Variants in PDE4D observed in about 807,000 individuals in gnomAD.
The protein encoded by PDE4D is phosphodiesterase 4D, also known as 3',5'-cyclic-AMP phosphodiesterase 4D.
A neutral mutation model predicts 87.4 loss-of-function variants in PDE4D; 24 were observed. The ratio of observed to expected loss-of-function variants is 0.27; its 90% CI spans 0.20 to 0.39. PDE4D has a LOEUF of 0.39. Ranked by LOEUF, PDE4D falls within the 10% of genes least tolerant of loss-of-function variation. The probability of loss-of-function intolerance (pLI) is 1.00; values close to 1 mark genes in which losing one functional copy is unlikely to be tolerated. For missense variants in PDE4D, 714 were observed against 1,041.0 expected, an observed-to-expected ratio of 0.69 and a Z score of 4.32; for synonymous variants, 384 against 383.2, an observed-to-expected ratio of 1.00 and a Z score of -0.02.
intron 1 of PDE4D, among the ~76,000 whole-genome samples, chr5:59,482,902 T>C (rs1488410349): frequency 6.6e-6 from 1 of 152,192 alleles, no homozygotes; most frequent in Non-Finnish European, 1.5e-5. Flanking sequence ...AGATATTTAA[T>C]TAACATCATC....
chr5:59,061,775 C>T (rs996013640), intron 5 of PDE4D, among the ~76,000 whole-genome samples: 7 of 152,080 alleles, frequency 4.6e-5, no homozygotes, highest in African/African-American at 1.7e-4. Flanking sequence ...TTGCAACTGT[C>T]AGAAATGTGT....
At chr5:60,486,837 G>A (rs1486987292) in intron 1 of PDE4D, among the ~76,000 whole-genome samples, 1 of 151,996 alleles carries the variant, frequency 6.6e-6, no homozygotes, top group East Asian at 1.9e-4. Flanking sequence ...GGTCTAAAGA[G>A]GAAAAATTAG....
chr5:59,100,743 G>C (rs1770597115), intron 5 of PDE4D, among the ~76,000 whole-genome samples: 1 of 152,146 alleles, frequency 6.6e-6, no homozygotes, highest in Non-Finnish European at 1.5e-5. Flanking sequence ...TTTGATTCTA[G>C]ATCCACAGAA....
rs560221128 is a variant in PDE4D, at chr5:58,978,224, G to A, written c.1553-879C>T. On this transcript the variant is annotated intron_variant, in intron 11 of 14. Transcript: ENST00000340635. The stretch of plus-strand genomic sequence containing the variant: ...AAGCCCAGGAGTTCAAGACCAGCCT[G>A]GTCAACATAGGGAGACCTCATCTCG... 2.0e-4 allele frequency among the ~76,000 whole-genome samples: 30 copies of A among 147,002 alleles called. 5 individuals carry two copies. The highest frequency in any genetic ancestry group is 7.4e-4 in the African/African-American group (30 of 40,322).
intron 2 of PDE4D, among the ~76,000 whole-genome samples, chr5:60,062,763 C>A (rs931549935): frequency 2.6e-5 from 4 of 151,920 alleles, no homozygotes; most frequent in Non-Finnish European, 4.4e-5. Flanking sequence ...ATGTCCTTTG[C>A]AGGGACATGG....
At chr5:60,507,616 A>G (rs1750380951) in intron 1 of PDE4D, among the ~76,000 whole-genome samples, 1 of 152,130 alleles carries the variant, frequency 6.6e-6, no homozygotes, top group South Asian at 2.1e-4. Flanking sequence ...TTGTTTCACC[A>G]CATCCTAGCC....
chr5:59,280,099 T>C (rs1765546756), intron 1 of PDE4D, among the ~76,000 whole-genome samples: 1 of 152,074 alleles, frequency 6.6e-6, no homozygotes, highest in African/African-American at 2.4e-5. Flanking sequence ...TCATAAACAC[T>C]GTGATGAGGG....
intron 1 of PDE4D, among the ~76,000 whole-genome samples, chr5:60,325,256 G>C (rs529633898): frequency 1.3e-5 from 2 of 152,256 alleles, no homozygotes; most frequent in East Asian, 3.9e-4. Context: ...TTCTGGGACA[G>C]AAGAAAAGCA....
Position 60,330,245 on chromosome 5 carries a change from T to C in PDE4D, c.-89-144558A>G, listed in dbSNP as rs182870116. On this transcript the variant is annotated intron_variant, in intron 1 of 16. Transcript: ENST00000502484. ...TCCATTGTCATTCTGTAAAAATTCA[T>C]TAAGTATTCTATGTACCAGGCATTG... 1.7e-3 allele frequency among the ~76,000 whole-genome samples: 260 copies of C among 152,352 alleles called. 1 individual carries two copies. Among genetic ancestry groups the C allele is most frequent in the African/African-American group, 6.0e-3 (251 of 41,584 alleles).
intron 1 of PDE4D, among the ~76,000 whole-genome samples, chr5:59,358,314 A>C (rs1420156185): frequency 6.6e-6 from 1 of 152,204 alleles, no homozygotes; most frequent in Non-Finnish European, 1.5e-5. Context: ...AGGAGCAGAG[A>C]GTTCAAAAAT....
intron 5 of PDE4D, among the ~76,000 whole-genome samples, chr5:59,040,471 A>G (rs566371443): frequency 6.6e-6 from 1 of 152,352 alleles, no homozygotes; most frequent in African/African-American, 2.4e-5. Context: ...GGGCCAAGGA[A>G]GAAAATCTGG....
intron 1 of PDE4D, among the ~76,000 whole-genome samples, chr5:59,815,743 G>A (rs1053228063): frequency 3.3e-5 from 5 of 152,132 alleles, no homozygotes; most frequent in Admixed American, 6.5e-5. Flanking sequence ...TACAGCCAAG[G>A]ACCTGCTGGA....
intron 1 of PDE4D, among the ~76,000 whole-genome samples, chr5:59,336,948 C>T (rs1777766933): frequency 6.6e-6 from 1 of 152,190 alleles, no homozygotes; most frequent in Non-Finnish European, 1.5e-5. Flanking sequence ...AATGCAAATG[C>T]TCTTGCAAAT....
intron 1 of PDE4D, among the ~76,000 whole-genome samples, chr5:59,294,529 C>T (rs761371984): frequency 1.3e-5 from 2 of 152,080 alleles, no homozygotes; most frequent in Admixed American, 6.6e-5. Context: ...GTAGGCAGAC[C>T]GCCAAGGTAT....
At chr5:60,199,071 G>A (rs1190344815) in intron 1 of PDE4D, among the ~76,000 whole-genome samples, 1 of 151,722 alleles carries the variant, frequency 6.6e-6, no homozygotes, top group Non-Finnish European at 1.5e-5. Context: ...CTTATACTCA[G>A]AGATTTGAAA....
At chr5:59,941,819 A>G (rs1339034700) in intron 3 of PDE4D, among the ~76,000 whole-genome samples, 1 of 152,208 alleles carries the variant, frequency 6.6e-6, no homozygotes, top group Non-Finnish European at 1.5e-5. Context: ...GGCAAGGATG[A>G]TGAGGCCTCT....
At chr5:60,201,975 A>C (rs1004525255) in intron 1 of PDE4D, among the ~76,000 whole-genome samples, 3 of 152,198 alleles carry the variant, frequency 2.0e-5, no homozygotes, top group African/African-American at 7.2e-5. Flanking sequence ...AATAAGCCTT[A>C]AGACTTATAT....
At position 59,538,111 on chromosome 5, in the gene PDE4D, G is replaced by T. The variant is rs962553842; in HGVS notation, c.456-322143C>A. On this transcript the variant is annotated intron_variant, in intron 1 of 14. Coordinates refer to ENST00000340635, the MANE Select transcript of PDE4D (RefSeq NM_001104631.2). The stretch of plus-strand genomic sequence containing the variant: ...CAGGTTTCACTGAGTAAACTAAGTT[G>T]CTTTCTAGGATTTTGTGCAGAAAAA... Among the ~76,000 whole-genome samples, 7 of 152,286 alleles carry T rather than the reference G, an allele frequency of 4.6e-5. 1 individual carries two copies. In the South Asian group the frequency reaches 1.5e-3, roughly 32 times the overall value.
intron 6 of PDE4D, among the ~76,000 whole-genome samples, chr5:59,029,186 GCAGATCATGAGGT>G (rs1756809360): frequency 6.6e-6 from 1 of 151,782 alleles, no homozygotes; most frequent in South Asian, 2.1e-4. Flanking sequence ...GCCGAGGCGG[GCAGATCATGAGGT>G]CAGGAGATCG....
Sources: gnomAD v4.1 joint callset for allele counts (sites outside exome capture counted in the v4.1 genomes callset) on GRCh38, gnomAD v4.1.1 for gene constraint, MANE v1.5 for transcripts, NCBI Gene and HGNC (gene_info 2026-07-23, HGNC 2026-07-21) for gene names.